MRPS6: variants seen among roughly 807,000 people sequenced by gnomAD.
The protein encoded by MRPS6 is small ribosomal subunit protein bS6m.
A neutral mutation model predicts 13.1 loss-of-function variants in MRPS6; 6 were observed. That is an observed-to-expected ratio of 0.46 (90% CI 0.25 to 0.91). The LOEUF (loss-of-function observed/expected upper bound fraction) is 0.91, where lower values mean the gene tolerates loss of function less well. MRPS6 is among the 40% of genes least tolerant of loss of function. MRPS6 has a pLI of 0.18. For synonymous variants in MRPS6, 61 were observed against 56.5 expected (o/e 1.08, Z -0.36); for missense variants, 164 against 155.6 (o/e 1.05, Z -0.29).
At chr21:34,083,378 A>G (rs1315579436) in intron 1 of MRPS6, among the ~76,000 whole-genome samples, 2 of 152,216 alleles carry the variant, frequency 1.3e-5, no homozygotes, top group African/African-American at 4.8e-5. Context: ...TGCCCCGTGT[A>G]TGAATTCCGA....
intron 1 of MRPS6, chr21:34,105,264 G>A (rs1979426706): frequency 3.0e-6 from 3 of 1,000,036 alleles, no homozygotes; most frequent in Non-Finnish European, 3.6e-6. Context: ...CCAGACCCAT[G>A]TTGGCAATCA....
chr21:34,095,390 C>T (rs768160210), intron 1 of MRPS6: 3 of 1,614,120 alleles, frequency 1.9e-6, no homozygotes, highest in Non-Finnish European at 2.5e-6. Context: ...GGAGTGAGCA[C>T]TTCATTGGGC....
chr21:34,129,973 G>T (rs894517514), intron 2 of MRPS6, among the ~76,000 whole-genome samples: 8 of 152,222 alleles, frequency 5.3e-5, no homozygotes, highest in Non-Finnish European at 1.2e-4. Context: ...GTTTGAAGGT[G>T]AATAATTCAC....
intron 1 of MRPS6, among the ~76,000 whole-genome samples, chr21:34,110,190 C>T (rs1358016986): frequency 6.6e-6 from 1 of 152,156 alleles, no homozygotes; most frequent in East Asian, 1.9e-4. Context: ...TGGCTGGGCA[C>T]AGTGGCTCAT....
chr21:34,125,205 A>C, intron 1 of MRPS6, 136 bp from the exon 2 acceptor site: 2 of 1,342,044 alleles, frequency 1.5e-6, no homozygotes. Flanking sequence ...AACCAAAACC[A>C]GCTTCTGTTG....
chr21:34,120,762 T>C (rs956747716), intron 1 of MRPS6, among the ~76,000 whole-genome samples: 16 of 152,184 alleles, frequency 1.1e-4, no homozygotes, highest in Non-Finnish European at 1.6e-4. Flanking sequence ...TCTAGATGAA[T>C]TGTAGGTATT....
intron 1 of MRPS6, chr21:34,105,315 T>C: frequency 1.0e-6 from 1 of 1,000,054 alleles, no homozygotes; most frequent in African/African-American, 1.7e-5. Context: ...TTCTTTTTTC[T>C]TTTTGATAAG....
chr21:34,106,821 C>T (rs935749808), intron 1 of MRPS6, among the ~76,000 whole-genome samples: 1 of 152,200 alleles, frequency 6.6e-6, no homozygotes, highest in Non-Finnish European at 1.5e-5. Flanking sequence ...GTCTTTATAG[C>T]AGCTTTTCCT....
At chr21:34,103,973 G>GT in intron 1 of MRPS6, 1 of 1,000,044 alleles carries the variant, frequency 1.0e-6, no homozygotes, top group Non-Finnish European at 1.2e-6. Context: ...TGTGATTGGG[G>GT]TTTTTTGTAA....
intron 1 of MRPS6, among the ~76,000 whole-genome samples, chr21:34,089,606 G>C (rs1172717555): frequency 6.6e-6 from 1 of 152,090 alleles, no homozygotes; most frequent in Non-Finnish European, 1.5e-5. Flanking sequence ...AGGTGAATAA[G>C]ATTTTATTTG....
At chr21:34,080,189 A>G (rs1009597864) in intron 1 of MRPS6, among the ~76,000 whole-genome samples, 4 of 152,226 alleles carry the variant, frequency 2.6e-5, no homozygotes, top group African/African-American at 9.6e-5. Context: ...AGGTGCACTT[A>G]TAACAAGGAA....
rs775526861 is a variant in MRPS6 at position 34,073,651 on chromosome 21, C to G, written c.-50C>G. ...CTGTCCCCGCCGTCCCGCCCCTTCG[C>G]GTCCCGGGAACCGGCTGGCTTCCGA... On this transcript the variant is annotated 5_prime_UTR_variant, in exon 1 of 3. Transcript: ENST00000399312. 6 of 1,493,654 alleles carry G rather than the reference C, an allele frequency of 4.0e-6. No homozygotes were observed. The East Asian group carries it at 1.6e-4, about 41-fold the overall frequency. The allele number at this position is 1,493,654 out of a possible 1,614,324, so 92.5% of individuals were successfully genotyped here.
intron 1 of MRPS6, among the ~76,000 whole-genome samples, chr21:34,093,815 G>T (rs186695842): frequency 1.3e-5 from 2 of 152,116 alleles, no homozygotes; most frequent in Non-Finnish European, 2.9e-5. Context: ...TGTCTGTTTT[G>T]CAGAGTGATT....
intron 1 of MRPS6, chr21:34,104,694 G>C: frequency 1.0e-6 from 1 of 1,000,078 alleles, no homozygotes; most frequent in Non-Finnish European, 1.2e-6. Context: ...CCTCAGGCCT[G>C]GGGGGATGAG....
At position 34,096,287 on chromosome 21, in the gene MRPS6, T is replaced by G; in HGVS notation, c.45+22542T>G. ...TGATGAAGCTGGTTCCTGTGGGCCT[T>G]CGGGGTTTAATGATGGCAGTGATGA... On this transcript the variant is annotated intron_variant, in intron 1 of 2. Transcript: ENST00000399312. This position sits in a 1 kb window ranked among gnomAD's most constrained non-coding sequence, Gnocchi z 5.9. 6.2e-7 allele frequency: 1 copy of G among 1,614,154 alleles called. No homozygotes were observed. The highest frequency in any genetic ancestry group is 8.5e-7 in the Non-Finnish European group (1 of 1,180,008).
chr21:34,083,675 C>CT, intron 1 of MRPS6, among the ~76,000 whole-genome samples: 1 of 152,260 alleles, frequency 6.6e-6, no homozygotes. Context: ...TATCTTGAAG[C>CT]TTTAAGACAC....
Position 34,100,122 on chromosome 21 carries a change from G to A in MRPS6, c.46-25219G>A, listed in dbSNP as rs1979166953. ...AAGCTAAGGTTCAGAATTGAAGCTT[G>A]ATATTGACTAGAATAGCTAAAAGTC... On this transcript the variant is annotated intron_variant, in intron 1 of 2. Coordinates refer to ENST00000399312, the MANE Select transcript of MRPS6 (RefSeq NM_032476.4). The A allele has an allele frequency of 3.0e-6, 3 of 998,826 alleles. No individual in the cohort carries two copies. The Admixed American group carries it at 1.8e-4, about 61-fold the overall frequency. 61.9% of individuals were successfully genotyped at this position (998,826 alleles called of 1,614,324 possible). A position where few individuals can be genotyped will look rare whatever the true frequency, so the allele number is the denominator to read the frequency against.
chr21:34,136,428 G>A (rs115710958), intron 2 of MRPS6, among the ~76,000 whole-genome samples: 2 of 152,210 alleles, frequency 1.3e-5, no homozygotes, highest in Non-Finnish European at 2.9e-5. Context: ...GATTACAGGC[G>A]TGAGCCACCA....
chr21:34,079,637 A>G (rs567241195), intron 1 of MRPS6, among the ~76,000 whole-genome samples: 186 of 101,684 alleles, frequency 1.8e-3, no homozygotes, highest in African/African-American at 8.9e-3. Flanking sequence ...TTTTTTTAGT[A>G]GAGATGGGGT....
Sources: allele counts gnomAD v4.1 joint callset (sites outside exome capture counted in the v4.1 genomes callset), GRCh38; gene constraint gnomAD v4.1.1; non-coding constraint Gnocchi (gnomAD v3.1); transcripts MANE v1.5; gene names NCBI Gene and HGNC (gene_info 2026-07-23, HGNC 2026-07-21).